Variants in CDK19 observed in about 807,000 individuals in gnomAD.
CDK19 encodes the protein cyclin-dependent kinase 19.
CDK19 carries 20 observed loss-of-function variants against 68.3 expected under a neutral mutation model. That is an observed-to-expected ratio of 0.29 (90% CI 0.21 to 0.43). CDK19 has a LOEUF of 0.43. CDK19 is among the 20% of genes least tolerant of loss of function. The pLI is 1.00. For synonymous variants in CDK19, 221 were observed against 222.8 expected (o/e 0.99, Z 0.07); for missense variants, 339 against 623.5 (o/e 0.54, Z 4.86).
intron 2 of CDK19, among the ~76,000 whole-genome samples, chr6:110,720,743 T>A (rs1403127870): frequency 6.6e-6 from 1 of 151,700 alleles, no homozygotes; most frequent in Non-Finnish European, 1.5e-5. Flanking sequence ...GGTGCACACC[T>A]GTAGTCCCAG....
Position 110,815,225 on chromosome 6 carries a change from C to G in CDK19, c.-89G>C. On this transcript the variant is annotated 5_prime_UTR_variant, in exon 1 of 13. Coordinates refer to ENST00000368911, the MANE Select transcript of CDK19 (RefSeq NM_015076.5). ...TCCCCCCGCGACCGCCGCTCCACTT[C>G]TCCAACAGCCGCCTCTCGCGCGCGC... 7.4e-7 allele frequency: 1 copy of G among 1,357,222 alleles called. No individual in the cohort carries two copies. Among genetic ancestry groups the G allele is most frequent in the Non-Finnish European group, 9.5e-7 (1 of 1,052,414 alleles). 84.1% of individuals were successfully genotyped at this position (1,357,222 alleles called of 1,614,324 possible). A position where few individuals can be genotyped will look rare whatever the true frequency, so the allele number is the denominator to read the frequency against.
intron 2 of CDK19, among the ~76,000 whole-genome samples, chr6:110,737,945 G>C (rs979557439): frequency 6.6e-6 from 1 of 151,942 alleles, no homozygotes; most frequent in African/African-American, 2.4e-5. Context: ...CTTGCTCAAG[G>C]GAAATTTCAC....
chr6:110,762,150 A>G (rs1359662650), intron 1 of CDK19, among the ~76,000 whole-genome samples: 1 of 152,192 alleles, frequency 6.6e-6, no homozygotes, highest in Non-Finnish European at 1.5e-5. Context: ...AATGGAGAAG[A>G]AGGATCCTCA....
chr6:110,682,499 A>C (rs1002099385), intron 2 of CDK19, among the ~76,000 whole-genome samples: 4 of 152,210 alleles, frequency 2.6e-5, no homozygotes, highest in African/African-American at 9.6e-5. Context: ...TTATAAACAC[A>C]TGAGATTCAT....
chr6:110,636,168 A>G (rs1360939094), intron 5 of CDK19, among the ~76,000 whole-genome samples: 1 of 152,234 alleles, frequency 6.6e-6, no homozygotes, highest in Non-Finnish European at 1.5e-5. Flanking sequence ...CGAATGGTAC[A>G]AACAAGGGGA....
intron 2 of CDK19, among the ~76,000 whole-genome samples, chr6:110,693,869 G>A (rs138527240): frequency 3.9e-5 from 6 of 152,198 alleles, no homozygotes; most frequent in African/African-American, 1.4e-4. Flanking sequence ...CATAGCCTGA[G>A]AAACCTGAAT....
chr6:110,781,197 G>C (rs572747738), intron 1 of CDK19, among the ~76,000 whole-genome samples: 1 of 152,312 alleles, frequency 6.6e-6, no homozygotes, highest in African/African-American at 2.4e-5. Context: ...ACCAGCATCT[G>C]CTTCCGATGA....
intron 4 of CDK19, among the ~76,000 whole-genome samples, chr6:110,662,865 T>G (rs927771210): frequency 6.6e-6 from 1 of 152,218 alleles, no homozygotes; most frequent in African/African-American, 2.4e-5. Context: ...TATTTAGCTC[T>G]CTTTCTCCTT....
At chr6:110,670,723 C>T (rs576849862) in intron 2 of CDK19, 182 bp from the exon 3 acceptor site, 8 of 652,640 alleles carry the variant, frequency 1.2e-5, no homozygotes, top group Middle Eastern at 2.5e-4. Context: ...TATCTTGGTG[C>T]ATATCTTTCC....
chr6:110,648,376 A>C lies in CDK19; in HGVS notation c.457-9670T>G, dbSNP rs552382810. ...TCTGGCTAACTGAATAATATGAAAG[A>C]GTCAACTGTTTTTCTATATACCAGG... On this transcript the variant is annotated intron_variant, in intron 4 of 12. Transcript: ENST00000368911. 9.0e-4 allele frequency among the ~76,000 whole-genome samples: 137 copies of C among 152,180 alleles called. 1 individual carries two copies. Among genetic ancestry groups the C allele is most frequent in the Non-Finnish European group, 1.3e-3 (88 of 68,026 alleles).
chr6:110,742,505 C>A (rs749548888), intron 2 of CDK19, among the ~76,000 whole-genome samples: 1 of 152,200 alleles, frequency 6.6e-6, no homozygotes, highest in East Asian at 1.9e-4. Context: ...TGACTGCCTG[C>A]GGGGTCAGGC....
intron 9 of CDK19, 85 bp downstream of exon 9, chr6:110,623,205 T>C: frequency 8.8e-7 from 1 of 1,135,602 alleles, no homozygotes; most frequent in African/African-American, 1.5e-5. Context: ...ATTTCTTTTG[T>C]TTCTAAAGAG....
chr6:110,621,470 A>G lies in CDK19; in HGVS notation c.1111-100T>C, dbSNP rs1582691793. 8.4e-7 allele frequency: 1 copy of G among 1,194,036 alleles called. No homozygotes were observed. Among genetic ancestry groups the G allele is most frequent in the Non-Finnish European group, 1.2e-6 (1 of 847,860 alleles). 74.0% of individuals were successfully genotyped at this position (1,194,036 alleles called of 1,614,324 possible). A position where few individuals can be genotyped will look rare whatever the true frequency, so the allele number is the denominator to read the frequency against. On this transcript the variant is annotated intron_variant, in intron 11 of 12. Transcript: ENST00000368911. The surrounding 1 kb of genome is among the most constrained non-coding windows in gnomAD (Gnocchi z 5.4). ...ATGTGGCTGCTGACCAACCTGGGGG[A>G]GCAATCTATGTGGGACACTAGAGTG...
chr6:110,714,336 C>A (rs1467107642), intron 2 of CDK19, among the ~76,000 whole-genome samples: 1 of 152,092 alleles, frequency 6.6e-6, no homozygotes, highest in Non-Finnish European at 1.5e-5. Context: ...ACAGTTATTT[C>A]TAATTTTTTG....
intron 3 of CDK19, among the ~76,000 whole-genome samples, 186 bp downstream of exon 3, chr6:110,670,245 A>AT (rs1246344590): frequency 6.9e-6 from 1 of 144,382 alleles, no homozygotes; most frequent in Non-Finnish European, 1.5e-5. Context: ...TACAAATACT[A>AT]TCTTCTCAGT....
chr6:110,731,075 A>AAGAG (rs928274749), intron 2 of CDK19, among the ~76,000 whole-genome samples: 1 of 151,626 alleles, frequency 6.6e-6, no homozygotes, highest in South Asian at 2.1e-4. Flanking sequence ...GAAAGAAAGA[A>AAGAG]AGAGAAAGAA....
At chr6:110,633,037 G>A (rs1779540426) in intron 5 of CDK19, among the ~76,000 whole-genome samples, 1 of 151,830 alleles carries the variant, frequency 6.6e-6, no homozygotes, top group Non-Finnish European at 1.5e-5. Context: ...TGGCCAACAT[G>A]GTGAAACCCA....
rs1775760999 is a variant in CDK19, at chr6:110,720,257, A to C, written c.204+25869T>G. Among the ~76,000 whole-genome samples the C allele has an allele frequency of 2.0e-5, 3 of 152,158 alleles. No individual in the cohort carries two copies. In the South Asian group the frequency reaches 6.2e-4, roughly 31 times the overall value. ...AGTTCTTGACAAGGCAGTGATTCAA[A>C]GCCCTGACTAGGTTAAAATGTGACT... On this transcript the variant is annotated intron_variant, in intron 2 of 12. Transcript: ENST00000368911.
chr6:110,746,094 T>C (rs1778057725), intron 2 of CDK19, 32 bp downstream of exon 2: 1 of 1,158,408 alleles, frequency 8.6e-7, no homozygotes, highest in South Asian at 1.6e-5. Flanking sequence ...ATATCAATAA[T>C]AAAATAAATA....
Sources: allele counts gnomAD v4.1 joint callset (sites outside exome capture counted in the v4.1 genomes callset), GRCh38; gene constraint gnomAD v4.1.1; non-coding constraint Gnocchi (gnomAD v3.1); transcripts MANE v1.5; gene names NCBI Gene and HGNC (gene_info 2026-07-23, HGNC 2026-07-21).